The following ENPP6 variants were observed in gnomAD, a reference collection of about 807,000 sequenced individuals.
ENPP6 encodes ectonucleotide pyrophosphatase/phosphodiesterase 6, also known as glycerophosphocholine cholinephosphodiesterase ENPP6.
Under a neutral mutation model 42.0 loss-of-function variants are expected in ENPP6, and 32 were observed. That is an observed-to-expected ratio of 0.76 (90% CI 0.58 to 1.02). ENPP6 has a LOEUF of 1.02. Ranked by LOEUF, ENPP6 falls within the 50% of genes least tolerant of loss-of-function variation. The probability of loss-of-function intolerance (pLI) is 0.00; values close to 1 mark genes in which losing one functional copy is unlikely to be tolerated. For synonymous variants in ENPP6, 213 were observed against 216.0 expected, an observed-to-expected ratio of 0.99 and a Z score of 0.12; for missense variants, 552 against 566.8, an observed-to-expected ratio of 0.97 and a Z score of 0.27.
At chr4:184,204,774 G>A (rs931349549) in intron 1 of ENPP6, among the ~76,000 whole-genome samples, 6 of 152,188 alleles carry the variant, frequency 3.9e-5, no homozygotes. Context: ...GACGTAAAGG[G>A]TAATCAGTTC....
intron 1 of ENPP6, among the ~76,000 whole-genome samples, chr4:184,164,600 G>A (rs1488929924): frequency 1.3e-5 from 2 of 152,084 alleles, no homozygotes; most frequent in African/African-American, 4.8e-5. Context: ...ATTTTCAGAG[G>A]GAGCACGCCC....
intron 1 of ENPP6, among the ~76,000 whole-genome samples, chr4:184,203,023 CA>C (rs932746600): frequency 6.6e-6 from 1 of 152,032 alleles, no homozygotes; most frequent in Non-Finnish European, 1.5e-5. Context: ...GCAGGTGGAT[CA>C]CCTGAGGTCA....
At chr4:184,105,072 A>G (rs1736066571) in intron 6 of ENPP6, among the ~76,000 whole-genome samples, 2 of 152,202 alleles carry the variant, frequency 1.3e-5, no homozygotes, top group Admixed American at 1.3e-4. Flanking sequence ...AGGCTGATTG[A>G]AGTTACTTGG....
rs969758339 is a variant in ENPP6, at chr4:184,202,274, A to G, written c.241+15305T>C. 3.9e-5 allele frequency among the ~76,000 whole-genome samples: 6 copies of G among 152,310 alleles called. No homozygotes were observed. The East Asian group carries it at 1.2e-3, about 29-fold the overall frequency. On this transcript the variant is annotated intron_variant, in intron 1 of 7. Coordinates refer to ENST00000296741, the MANE Select transcript of ENPP6 (RefSeq NM_153343.4). Reference sequence around the variant, plus strand: ...AGCCCCTTTACTCAGACTTCAGAAGATCTTGCAGCTGTGGCATCTGTTCAG... The same window carrying G: ...AGCCCCTTTACTCAGACTTCAGAAGGTCTTGCAGCTGTGGCATCTGTTCAG...
At position 184,184,465 on chromosome 4, in the gene ENPP6, T is replaced by C. The variant is rs1732599917; in HGVS notation, c.242-30732A>G. ...AAAATAATGAACTGGAAGATGTAAT[T>C]GAAAAAATAATGCAGAATTCAGTAT... is the stretch of plus-strand genomic sequence containing the variant. On this transcript the variant is annotated intron_variant, in intron 1 of 7. Coordinates refer to ENST00000296741, the MANE Select transcript of ENPP6 (RefSeq NM_153343.4). This position sits in a 1 kb window ranked among gnomAD's most constrained non-coding sequence, Gnocchi z 4.7. Among the ~76,000 whole-genome samples the C allele has an allele frequency of 6.6e-6, 1 of 151,992 alleles. No individual in the cohort carries two copies. Among genetic ancestry groups the C allele is most frequent in the Non-Finnish European group, 1.5e-5 (1 of 68,006 alleles).
chr4:184,163,383 G>A (rs907465042), intron 1 of ENPP6, among the ~76,000 whole-genome samples: 1 of 152,124 alleles, frequency 6.6e-6, no homozygotes, highest in Non-Finnish European at 1.5e-5. Context: ...GTAGTGGGTG[G>A]GGTGAAGAAG....
chr4:184,208,753 C>T (rs1470454541), intron 1 of ENPP6, among the ~76,000 whole-genome samples: 1 of 146,062 alleles, frequency 6.8e-6, no homozygotes, highest in East Asian at 2.0e-4. Context: ...TCAAGGAGGC[C>T]TGCCTGCCTC....
intron 2 of ENPP6, among the ~76,000 whole-genome samples, chr4:184,146,194 A>G (rs1354985559): frequency 1.3e-5 from 2 of 151,908 alleles, no homozygotes; most frequent in East Asian, 1.9e-4. Context: ...GCACTTTGAG[A>G]GGCTGGGAGG....
intron 2 of ENPP6, among the ~76,000 whole-genome samples, chr4:184,141,994 G>A (rs1045170454): frequency 2.6e-5 from 4 of 152,108 alleles, no homozygotes; most frequent in African/African-American, 7.2e-5. Context: ...AGCTGCCATC[G>A]TACCTCAAAC....
At chr4:184,137,758 T>G (rs1736753498) in intron 2 of ENPP6, among the ~76,000 whole-genome samples, 1 of 152,246 alleles carries the variant, frequency 6.6e-6, no homozygotes, top group African/African-American at 2.4e-5. Flanking sequence ...AGATTTATTT[T>G]CCTTGGTGGG....
At chr4:184,178,285 A>C (rs1057174514) in intron 1 of ENPP6, among the ~76,000 whole-genome samples, 2 of 152,136 alleles carry the variant, frequency 1.3e-5, no homozygotes, top group African/African-American at 4.8e-5. Context: ...CTTGAAGACT[A>C]TCTTGCTGAA....
intron 1 of ENPP6, among the ~76,000 whole-genome samples, chr4:184,208,579 G>A (rs1304008236): frequency 5.3e-5 from 8 of 151,816 alleles, no homozygotes; most frequent in Non-Finnish European, 8.8e-5. Context: ...CACCTGGCTG[G>A]GAGGGTCCTA....
At chr4:184,170,152 G>A (rs1194947237) in intron 1 of ENPP6, among the ~76,000 whole-genome samples, 6 of 152,178 alleles carry the variant, frequency 3.9e-5, no homozygotes, top group South Asian at 4.1e-4. Context: ...CATTCAGGCC[G>A]GGAAAGGTGG....
intron 2 of ENPP6, among the ~76,000 whole-genome samples, chr4:184,149,377 T>G (rs1736984453): frequency 6.6e-6 from 1 of 152,228 alleles, no homozygotes; most frequent in African/African-American, 2.4e-5. Context: ...ATGCCTCCTA[T>G]TATCCAGATG....
At chr4:184,123,871 G>T (rs1424233276) in intron 3 of ENPP6, among the ~76,000 whole-genome samples, 2 of 151,958 alleles carry the variant, frequency 1.3e-5, no homozygotes, top group African/African-American at 4.8e-5. Flanking sequence ...TAATGCTTAG[G>T]GAAATGATGA....
At chr4:184,197,710 T>C (rs1332107205) in intron 1 of ENPP6, among the ~76,000 whole-genome samples, 2 of 152,264 alleles carry the variant, frequency 1.3e-5, no homozygotes, top group Non-Finnish European at 2.9e-5. Flanking sequence ...TGGATTTTGT[T>C]ACATATTCCC....
intron 2 of ENPP6, among the ~76,000 whole-genome samples, chr4:184,150,449 A>C (rs1737006467): frequency 3.3e-5 from 5 of 151,924 alleles, no homozygotes; most frequent in Admixed American, 3.3e-4. Flanking sequence ...AAGGAAGAGG[A>C]GGATTTAAGA....
At chr4:184,191,477 C>T (rs1193421544) in intron 1 of ENPP6, among the ~76,000 whole-genome samples, 1 of 152,172 alleles carries the variant, frequency 6.6e-6, no homozygotes, top group East Asian at 1.9e-4. Context: ...ATAGGCCATC[C>T]ATTGTCTTCT....
intron 2 of ENPP6, among the ~76,000 whole-genome samples, chr4:184,149,959 C>T (rs918879126): frequency 7.2e-5 from 11 of 152,070 alleles, no homozygotes; most frequent in African/African-American, 2.2e-4. Context: ...TTTTCCTCAC[C>T]GCCCCCAACC....
Sources: allele counts gnomAD v4.1 joint callset (sites outside exome capture counted in the v4.1 genomes callset), GRCh38; gene constraint gnomAD v4.1.1; non-coding constraint Gnocchi (gnomAD v3.1); transcripts MANE v1.5; gene names NCBI Gene and HGNC (gene_info 2026-07-23, HGNC 2026-07-21).